NKAIN3: variants seen among roughly 807,000 people sequenced by gnomAD.
NKAIN3 encodes sodium/potassium transporting ATPase interacting 3.
NKAIN3 carries 25 observed loss-of-function variants against 30.2 expected under a neutral mutation model. The ratio of observed to expected loss-of-function variants is 0.83; its 90% CI spans 0.60 to 1.16. The LOEUF (loss-of-function observed/expected upper bound fraction) is 1.16, where lower values mean the gene tolerates loss of function less well. NKAIN3 is among the 50% of genes most tolerant of loss of function. The pLI is 0.00. For synonymous variants in NKAIN3, 91 were observed against 89.6 expected, an observed-to-expected ratio of 1.02 and a Z score of -0.09; for missense variants, 225 against 254.1, an observed-to-expected ratio of 0.89 and a Z score of 0.78.
chr8:62,856,741 C>G, intron 4 of NKAIN3: 1 of 686,452 alleles, frequency 1.5e-6, no homozygotes, highest in East Asian at 2.6e-5. Context: ...TGGTCAAGCT[C>G]TAGAATTTAT....
intron 3 of NKAIN3, among the ~76,000 whole-genome samples, chr8:62,708,643 G>A (rs1814614949): frequency 6.6e-6 from 1 of 151,986 alleles, no homozygotes; most frequent in African/African-American, 2.4e-5. Context: ...GGGTTTTCAA[G>A]GTAAATGATC....
chr8:62,267,764 T>C (rs1812652640), intron 1 of NKAIN3, among the ~76,000 whole-genome samples: 1 of 152,158 alleles, frequency 6.6e-6, no homozygotes, highest in South Asian at 2.1e-4. Context: ...AGGAAAAAAT[T>C]GCTTAAACTT....
At chr8:62,750,348 A>G (rs1816236576) in intron 4 of NKAIN3, among the ~76,000 whole-genome samples, 1 of 152,148 alleles carries the variant, frequency 6.6e-6, no homozygotes, top group Non-Finnish European at 1.5e-5. Context: ...AGCCTGAGCA[A>G]GTGCCTCGCG....
At chr8:62,254,735 T>C (rs2129387379) in intron 1 of NKAIN3, among the ~76,000 whole-genome samples, 1 of 152,292 alleles carries the variant, frequency 6.6e-6, no homozygotes, top group Non-Finnish European at 1.5e-5. Context: ...GGAAGCAAAG[T>C]CAACATAAGC....
At chr8:62,822,408 C>T (rs1351258370) in intron 4 of NKAIN3, among the ~76,000 whole-genome samples, 5 of 152,092 alleles carry the variant, frequency 3.3e-5, no homozygotes, top group Admixed American at 3.3e-4. Flanking sequence ...AAGCATTTTA[C>T]CTTAACAGTC....
chr8:62,422,254 A>C, intron 1 of NKAIN3, among the ~76,000 whole-genome samples: 1 of 152,246 alleles, frequency 6.6e-6, no homozygotes, highest in East Asian at 1.9e-4. Flanking sequence ...TATTATGGTG[A>C]GAATTATTTC....
At chr8:62,914,754 G>A (rs1432460669) in intron 4 of NKAIN3, among the ~76,000 whole-genome samples, 2 of 127,470 alleles carry the variant, frequency 1.6e-5, no homozygotes, top group East Asian at 4.8e-4. Context: ...CTTTTTTTAA[G>A]TTTTTTGAGC....
chr8:62,594,355 C>T (rs1371088135), intron 3 of NKAIN3, among the ~76,000 whole-genome samples: 1 of 152,014 alleles, frequency 6.6e-6, no homozygotes, highest in Non-Finnish European at 1.5e-5. Context: ...CAGGAAATTC[C>T]TCATTAGCCA....
intron 1 of NKAIN3, among the ~76,000 whole-genome samples, chr8:62,398,674 C>T (rs75800919): frequency 0.027 from 4,054 of 152,300 alleles, 183 homozygotes; most frequent in African/African-American, 0.092. Flanking sequence ...TAAACTGTAG[C>T]GTGTTCACTG....
In NKAIN3 at chr8:62,797,254, C is replaced by T. The variant is rs1359381515; in HGVS notation, c.471+50125C>T. ...CCTAAAACTTACATAAATGGGCTCT[C>T]TTGTTCACCCAAAGGTCAGGAAAAT... is the stretch of plus-strand genomic sequence containing the variant. On this transcript the variant is annotated intron_variant, in intron 4 of 6. Coordinates refer to ENST00000623646, the MANE Select transcript of NKAIN3 (RefSeq NM_001304533.3). Among the ~76,000 whole-genome samples the T allele has an allele frequency of 2.0e-5, 3 of 152,178 alleles. No individual in the cohort carries two copies. The East Asian group carries it at 5.8e-4, about 29-fold the overall frequency.
intron 1 of NKAIN3, among the ~76,000 whole-genome samples, chr8:62,496,455 G>C (rs1372861618): frequency 6.6e-6 from 1 of 152,120 alleles, no homozygotes; most frequent in Non-Finnish European, 1.5e-5. Context: ...CAGAGACTGA[G>C]AGAGCACCTA....
intron 4 of NKAIN3, among the ~76,000 whole-genome samples, chr8:62,789,013 C>T (rs973867135): frequency 5.3e-5 from 8 of 151,970 alleles, no homozygotes; most frequent in East Asian, 3.9e-4. Context: ...CTTGGCAATG[C>T]GGGCTCTTTT....
chr8:62,326,151 A>G (rs1485308602), intron 1 of NKAIN3, among the ~76,000 whole-genome samples: 1 of 152,000 alleles, frequency 6.6e-6, no homozygotes, highest in Non-Finnish European at 1.5e-5. Flanking sequence ...GAAAGAAGAA[A>G]CACTGCAGGA....
intron 3 of NKAIN3, among the ~76,000 whole-genome samples, chr8:62,628,121 A>T (rs1726796324): frequency 6.6e-6 from 1 of 152,138 alleles, no homozygotes; most frequent in Non-Finnish European, 1.5e-5. Context: ...ACTGCTTCAC[A>T]GAGTGGGAAG....
chr8:62,960,329 G>A (rs1334015250), intron 6 of NKAIN3, among the ~76,000 whole-genome samples: 2 of 152,158 alleles, frequency 1.3e-5, no homozygotes, highest in Non-Finnish European at 2.9e-5. Context: ...TGATTCTCAT[G>A]CTTCCTTGTG....
At chr8:62,478,721 A>G (rs1013094214) in intron 1 of NKAIN3, among the ~76,000 whole-genome samples, 1 of 152,176 alleles carries the variant, frequency 6.6e-6, no homozygotes, top group East Asian at 1.9e-4. Context: ...TTATTTCCTG[A>G]GCCATACACT....
intron 4 of NKAIN3, among the ~76,000 whole-genome samples, chr8:62,838,565 A>G (rs932697684): frequency 1.3e-5 from 2 of 152,082 alleles, no homozygotes; most frequent in East Asian, 1.9e-4. Context: ...TGTCTACATA[A>G]GTTTCTGCCA....
intron 1 of NKAIN3, among the ~76,000 whole-genome samples, chr8:62,500,924 G>A (rs1227920348): frequency 1.3e-5 from 2 of 152,088 alleles, no homozygotes; most frequent in African/African-American, 2.4e-5. Flanking sequence ...GATGATGCAC[G>A]CCATCATAAC....
intron 1 of NKAIN3, among the ~76,000 whole-genome samples, chr8:62,316,523 G>T (rs549689677): frequency 6.6e-6 from 1 of 151,794 alleles, no homozygotes; most frequent in South Asian, 2.1e-4. Flanking sequence ...GTGAGAACAT[G>T]TGGGGTTTGG....
Sources: gnomAD v4.1 joint callset for allele counts (sites outside exome capture counted in the v4.1 genomes callset) on GRCh38, gnomAD v4.1.1 for gene constraint, MANE v1.5 for transcripts, NCBI Gene and HGNC (gene_info 2026-07-23, HGNC 2026-07-21) for gene names.